Variants in FGF14 observed in about 807,000 individuals in gnomAD.
FGF14 encodes fibroblast growth factor 14.
Under a neutral mutation model 25.5 loss-of-function variants are expected in FGF14, and 5 were observed. That is an observed-to-expected ratio of 0.20 (90% CI 0.10 to 0.41). The LOEUF (loss-of-function observed/expected upper bound fraction) is 0.41, where lower values mean the gene tolerates loss of function less well. Ranked by LOEUF, FGF14 falls within the 10% of genes least tolerant of loss-of-function variation. The pLI, the probability that FGF14 is intolerant of heterozygous loss-of-function variation, is 1.00. For synonymous variants in FGF14, 138 were observed against 118.3 expected (o/e 1.17, Z -1.08); for missense variants, 222 against 320.1 (o/e 0.69, Z 2.34).
chr13:101,754,191 T>C (rs1403358296), intron 3 of FGF14, among the ~76,000 whole-genome samples: 1 of 152,124 alleles, frequency 6.6e-6, no homozygotes, highest in Non-Finnish European at 1.5e-5. Context: ...CTGCTGGGGC[T>C]CCTAGGGGCT....
chr13:102,241,165 T>G (rs922734240), intron 1 of FGF14, among the ~76,000 whole-genome samples: 1 of 152,102 alleles, frequency 6.6e-6, no homozygotes, highest in Non-Finnish European at 1.5e-5. Context: ...AAAGGGGCAC[T>G]CATACAGAAA....
chr13:101,738,704 G>A (rs1468873576), intron 3 of FGF14, among the ~76,000 whole-genome samples: 1 of 152,056 alleles, frequency 6.6e-6, no homozygotes, highest in Non-Finnish European at 1.5e-5. Context: ...TATAGATTTT[G>A]TCCTCTAAAA....
intron 1 of FGF14, among the ~76,000 whole-genome samples, chr13:102,074,634 AAAAG>A (rs762026524): frequency 4.6e-5 from 7 of 152,324 alleles, no homozygotes; most frequent in Non-Finnish European, 1.0e-4. Flanking sequence ...ACACTACAAG[AAAAG>A]AAAGTTACAG....
intron 1 of FGF14, among the ~76,000 whole-genome samples, chr13:102,201,757 G>A (rs1397522290): frequency 3.9e-5 from 6 of 152,180 alleles, no homozygotes; most frequent in African/African-American, 1.4e-4. Context: ...AATGCTGAGG[G>A]ACAAATTTCC....
chr13:102,294,593 C>T (rs1221587042), intron 1 of FGF14, among the ~76,000 whole-genome samples: 1 of 152,202 alleles, frequency 6.6e-6, no homozygotes, highest in Non-Finnish European at 1.5e-5. Context: ...GGCTTGAACT[C>T]TGTCACTTGT....
At position 101,788,931 on chromosome 13, in the gene FGF14, GAGAGAGAGAGAGAGAGAC is replaced by G. The variant is rs1189752429; in HGVS notation, c.409-62139_409-62122del. Among the ~76,000 whole-genome samples, 266 of 45,978 alleles carry G rather than the reference GAGAGAGAGAGAGAGAGAC, an allele frequency of 5.8e-3. 1 individual carries two copies. The highest frequency in any genetic ancestry group is 0.014 in the South Asian group (12 of 878). 30.2% of individuals were successfully genotyped at this position (45,978 alleles called of 152,430 possible). A position where few individuals can be genotyped will look rare whatever the true frequency, so the allele number is the denominator to read the frequency against. ...ATATAGAGAGAGAGAGAGAGAGAGA[GAGAGAGAGAGAGAGAGAC>G]AGAGAGAGAGAGAGAGAGAGACAGA... On this transcript the variant is annotated intron_variant, in intron 3 of 4. Transcript: ENST00000376143.
At chr13:102,133,719 T>G (rs1393538150) in intron 1 of FGF14, among the ~76,000 whole-genome samples, 2 of 152,256 alleles carry the variant, frequency 1.3e-5, no homozygotes, top group African/African-American at 4.8e-5. Flanking sequence ...TAGCTTCATT[T>G]GTGCTTTCCA....
intron 1 of FGF14, among the ~76,000 whole-genome samples, chr13:102,158,967 C>T (rs191525283): frequency 9.3e-5 from 14 of 151,330 alleles, no homozygotes; most frequent in African/African-American, 1.5e-4. Flanking sequence ...GGTGAAACAC[C>T]GTCTCTACTA....
chr13:102,395,890 C>T (rs950075119), intron 1 of FGF14, among the ~76,000 whole-genome samples: 2 of 152,128 alleles, frequency 1.3e-5, no homozygotes, highest in African/African-American at 4.8e-5. Flanking sequence ...CCTAAGAATC[C>T]CTCCTTTTGT....
At chr13:101,894,848 C>G (rs866048084) in intron 1 of FGF14, among the ~76,000 whole-genome samples, 8 of 152,166 alleles carry the variant, frequency 5.3e-5, no homozygotes, top group African/African-American at 1.7e-4. Context: ...TCACCTTCAA[C>G]TTTGCCTTTC....
intron 1 of FGF14, among the ~76,000 whole-genome samples, chr13:101,941,846 G>C (rs1053952290): frequency 6.6e-6 from 1 of 152,098 alleles, no homozygotes; most frequent in South Asian, 2.1e-4. Context: ...GTAAATTTTT[G>C]GCGAGTAATT....
chr13:102,306,766 T>C (rs1380077289), intron 1 of FGF14, among the ~76,000 whole-genome samples: 1 of 152,166 alleles, frequency 6.6e-6, no homozygotes, highest in Non-Finnish European at 1.5e-5. Flanking sequence ...AAATTTGCAG[T>C]GCACAGTATA....
At chr13:102,240,923 T>C (rs1291476803) in intron 1 of FGF14, among the ~76,000 whole-genome samples, 1 of 152,116 alleles carries the variant, frequency 6.6e-6, no homozygotes. Flanking sequence ...TGAAAAGTGC[T>C]TCTTCAAATC....
intron 3 of FGF14, among the ~76,000 whole-genome samples, chr13:101,829,969 T>A (rs2042587658): frequency 6.6e-6 from 1 of 152,090 alleles, no homozygotes; most frequent in African/African-American, 2.4e-5. Flanking sequence ...TTTGTCCTTT[T>A]CATTGTGGCA....
rs547637632 is a variant in FGF14, at chr13:101,936,413, G to A, written c.209-61117C>T. ...ACGTCTCCTAACCCTAAACATTGCCGAGTAACAGTCACCATGGATTTCAGA... is the reference window on the plus strand; with the variant it reads ...ACGTCTCCTAACCCTAAACATTGCCAAGTAACAGTCACCATGGATTTCAGA... On this transcript the variant is annotated intron_variant, in intron 1 of 4. Coordinates refer to the FGF14 transcript ENST00000376131. 2.0e-4 allele frequency among the ~76,000 whole-genome samples: 30 copies of A among 152,258 alleles called. No homozygotes were observed. The South Asian group carries it at 4.1e-3, about 21-fold the overall frequency.
intron 3 of FGF14, among the ~76,000 whole-genome samples, chr13:101,800,246 T>C (rs2040795371): frequency 6.6e-6 from 1 of 152,146 alleles, no homozygotes; most frequent in Admixed American, 6.6e-5. Flanking sequence ...CAGGGTAACC[T>C]CAAGTTACCT....
chr13:102,019,654 C>T (rs191622869), intron 1 of FGF14, among the ~76,000 whole-genome samples: 105 of 152,272 alleles, frequency 6.9e-4, no homozygotes, highest in African/African-American at 2.5e-3. Context: ...AAATGTTTCT[C>T]CCCAAAATGA....
intron 1 of FGF14, chr13:102,262,933 A>G: frequency 2.5e-6 from 1 of 395,772 alleles, no homozygotes; most frequent in Non-Finnish European, 4.7e-6. Context: ...TATTCCCAAC[A>G]AAACATGTCC....
At chr13:102,012,354 C>T (rs373299765) in intron 1 of FGF14, among the ~76,000 whole-genome samples, 5 of 152,138 alleles carry the variant, frequency 3.3e-5, no homozygotes, top group African/African-American at 7.2e-5. Flanking sequence ...TTTAATGCTA[C>T]GGTGACAAGT....
Sources: gnomAD v4.1 joint callset for allele counts (sites outside exome capture counted in the v4.1 genomes callset) on GRCh38, gnomAD v4.1.1 for gene constraint, MANE v1.5 for transcripts, NCBI Gene and HGNC (gene_info 2026-07-23, HGNC 2026-07-21) for gene names.